SPIDR: variants seen among roughly 807,000 people sequenced by gnomAD.
SPIDR encodes the protein DNA repair-scaffolding protein.
SPIDR carries 93 observed loss-of-function variants against 104.6 expected under a neutral mutation model. The ratio of observed to expected loss-of-function variants is 0.89; its 90% CI spans 0.75 to 1.06. The LOEUF (loss-of-function observed/expected upper bound fraction) is 1.06. Among genes scored for constraint, SPIDR ranks in the 50% least tolerant of loss-of-function variants. The probability of loss-of-function intolerance (pLI) is 0.00; values close to 1 mark genes in which losing one functional copy is unlikely to be tolerated. For missense variants in SPIDR, 1,154 were observed against 1,111.2 expected (o/e 1.04, Z -0.55); for synonymous variants, 431 against 416.9 (o/e 1.03, Z -0.41).
At chr8:47,371,467 G>A (rs188210380) in intron 5 of SPIDR, among the ~76,000 whole-genome samples, 8 of 152,262 alleles carry the variant, frequency 5.3e-5, no homozygotes, top group African/African-American at 1.9e-4. Flanking sequence ...CAGGGTGCCA[G>A]CATGGTCTGG....
chr8:47,686,754 G>GC (rs1221584891), intron 11 of SPIDR, among the ~76,000 whole-genome samples: 8 of 152,158 alleles, frequency 5.3e-5, no homozygotes, highest in African/African-American at 1.9e-4. Flanking sequence ...ATAACCCCTG[G>GC]CCCTCAAAAT....
Position 47,478,588 on chromosome 8 carries a change from A to G in SPIDR, c.1097+38046A>G, listed in dbSNP as rs1554724991. ...TGGGGAGCCCCTGCTGCAGAGCCAC[A>G]TTCATCCTAGCAAGGACAGTTTGGG... On this transcript the variant is annotated intron_variant, in intron 8 of 19. Coordinates refer to ENST00000297423, the MANE Select transcript of SPIDR (RefSeq NM_001080394.4). Among the ~76,000 whole-genome samples the G allele has an allele frequency of 3.3e-5, 5 of 152,214 alleles. No individual in the cohort carries two copies. In the South Asian group the frequency reaches 1.0e-3, roughly 32 times the overall value.
intron 10 of SPIDR, among the ~76,000 whole-genome samples, chr8:47,619,858 C>T (rs2064882203): frequency 1.3e-5 from 2 of 152,134 alleles, no homozygotes; most frequent in Admixed American, 6.5e-5. Flanking sequence ...TAGCCACCTG[C>T]TCAGCACATG....
chr8:47,701,098 C>T (rs1034508652), intron 12 of SPIDR, among the ~76,000 whole-genome samples: 1 of 152,188 alleles, frequency 6.6e-6, no homozygotes, highest in Non-Finnish European at 1.5e-5. Flanking sequence ...TGGCTGACTT[C>T]TTAGTAGTGC....
chr8:47,695,588 T>C (rs926402596), intron 11 of SPIDR, among the ~76,000 whole-genome samples: 1 of 152,132 alleles, frequency 6.6e-6, no homozygotes, highest in Non-Finnish European at 1.5e-5. Flanking sequence ...TGAGACAGTA[T>C]CAGATGGAAA....
intron 8 of SPIDR, among the ~76,000 whole-genome samples, chr8:47,534,378 A>C (rs566139844): frequency 6.6e-6 from 1 of 152,348 alleles, no homozygotes; most frequent in South Asian, 2.1e-4. Context: ...CATGGAATCA[A>C]CCTAAATGCC....
chr8:47,352,627 G>C (rs782364117), intron 5 of SPIDR, among the ~76,000 whole-genome samples: 2 of 152,164 alleles, frequency 1.3e-5, no homozygotes, highest in Non-Finnish European at 2.9e-5. Flanking sequence ...TTTCCCCAGA[G>C]TATGAGGTGG....
intron 8 of SPIDR, chr8:47,511,607 C>T (rs1175273450): frequency 2.5e-6 from 2 of 788,360 alleles, no homozygotes; most frequent in Admixed American, 3.4e-5. Flanking sequence ...ACTACATGAA[C>T]ATCTTGGTTG....
chr8:47,712,857 G>A lies in SPIDR; in HGVS notation c.2173G>A (p.Ala725Thr), dbSNP rs1407271562. 3.7e-6 allele frequency: 6 copies of A among 1,613,822 alleles called. No individual in the cohort carries two copies. Among genetic ancestry groups the A allele is most frequent in the Admixed American group, 1.7e-5 (1 of 59,996 alleles). ...AAPHSLFFKDALRDQGRIVCA... is the reference protein window; with the variant it reads ...AAPHSLFFKDTLRDQGRIVCA... Reference sequence around the variant, plus strand: ...CCCTCACAGCCTCTTCTTCAAGGACGCTCTCCGTGACCAGGGTGTGCTTGC... The same window carrying A: ...CCCTCACAGCCTCTTCTTCAAGGACACTCTCCGTGACCAGGGTGTGCTTGC... Residue 725 changes from alanine to threonine, a missense_variant, in exon 15 of 20, where the codon GCT becomes ACT. Coordinates refer to ENST00000297423, the MANE Select transcript of SPIDR (RefSeq NM_001080394.4).
intron 5 of SPIDR, among the ~76,000 whole-genome samples, chr8:47,371,971 T>C (rs1445924547): frequency 6.6e-6 from 1 of 152,180 alleles, no homozygotes; most frequent in Non-Finnish European, 1.5e-5. Flanking sequence ...CATTCCTCCA[T>C]CTCTGTTCTC....
intron 8 of SPIDR, among the ~76,000 whole-genome samples, chr8:47,541,432 A>C (rs2154391863): frequency 1.3e-5 from 2 of 152,348 alleles, no homozygotes; most frequent in South Asian, 4.1e-4. Context: ...ACAGTTTAAA[A>C]TATAGTGAAT....
chr8:47,635,085 A>G (rs940245676), intron 10 of SPIDR, among the ~76,000 whole-genome samples: 4 of 152,294 alleles, frequency 2.6e-5, no homozygotes, highest in Admixed American at 6.5e-5. Flanking sequence ...AAAGATATAA[A>G]GATATAGTTA....
chr8:47,601,843 G>A (rs1313432248), intron 10 of SPIDR, among the ~76,000 whole-genome samples: 6 of 152,300 alleles, frequency 3.9e-5, no homozygotes, highest in Admixed American at 2.6e-4. Context: ...TGGAACTAAC[G>A]GCCGTAGTGC....
chr8:47,643,956 G>A (rs1044348111), intron 10 of SPIDR, among the ~76,000 whole-genome samples: 2 of 152,192 alleles, frequency 1.3e-5, no homozygotes, highest in African/African-American at 4.8e-5. Context: ...TTAGTGACAT[G>A]TAAATGCTTT....
intron 1 of SPIDR, among the ~76,000 whole-genome samples, chr8:47,277,590 A>C (rs2036778863): frequency 6.6e-6 from 1 of 150,542 alleles, no homozygotes; most frequent in African/African-American, 2.5e-5. Flanking sequence ...TCCTGGGCTC[A>C]AGTAGTCCTC....
intron 8 of SPIDR, among the ~76,000 whole-genome samples, chr8:47,493,438 CA>C (rs1445806153): frequency 6.6e-6 from 1 of 152,086 alleles, no homozygotes; most frequent in Admixed American, 6.6e-5. Flanking sequence ...TGTGGGACTC[CA>C]AAAATAGGAT....
At chr8:47,422,135 C>G (rs1231381055) in intron 7 of SPIDR, among the ~76,000 whole-genome samples, 1 of 152,220 alleles carries the variant, frequency 6.6e-6, no homozygotes, top group African/African-American at 2.4e-5. Flanking sequence ...CTCTTCAAAG[C>G]TGTCAGACAG....
At chr8:47,638,720 T>C (rs1033464267) in intron 10 of SPIDR, among the ~76,000 whole-genome samples, 2 of 152,262 alleles carry the variant, frequency 1.3e-5, no homozygotes, top group African/African-American at 2.4e-5. Flanking sequence ...ATTTACTGCC[T>C]TCCTGAAGTA....
intron 6 of SPIDR, among the ~76,000 whole-genome samples, chr8:47,404,247 C>G (rs1406274531): frequency 1.3e-5 from 2 of 152,166 alleles, no homozygotes; most frequent in Non-Finnish European, 1.5e-5. Flanking sequence ...CTTAAAAACC[C>G]TAGAAGAAAA....
Sources: gnomAD v4.1 joint callset for allele counts (sites outside exome capture counted in the v4.1 genomes callset) on GRCh38, gnomAD v4.1.1 for gene constraint, MANE v1.5 for transcripts, NCBI Gene and HGNC (gene_info 2026-07-23, HGNC 2026-07-21) for gene names.